The following PPFIBP1 variants were observed in gnomAD, a reference collection of about 807,000 sequenced individuals.
PPFIBP1 encodes PPFIB scaffold protein 1.
PPFIBP1 carries 112 observed loss-of-function variants against 137.8 expected under a neutral mutation model. That is an observed-to-expected ratio of 0.81 (90% CI 0.70 to 0.95). The LOEUF is 0.95. Ranked by LOEUF, PPFIBP1 falls within the 40% of genes least tolerant of loss-of-function variation. The probability of loss-of-function intolerance (pLI) is 0.00; values close to 1 mark genes in which losing one functional copy is unlikely to be tolerated. For synonymous variants in PPFIBP1, 378 were observed against 417.3 expected, an observed-to-expected ratio of 0.91 and a Z score of 1.15; for missense variants, 1,083 against 1,196.6, an observed-to-expected ratio of 0.91 and a Z score of 1.40.
At chr12:27,535,383 A>G (rs1373252972) in intron 1 of PPFIBP1, among the ~76,000 whole-genome samples, 1 of 151,790 alleles carries the variant, frequency 6.6e-6, no homozygotes, top group Non-Finnish European at 1.5e-5. Context: ...TTATTATACA[A>G]TGTTGTTTTT....
chr12:27,593,870 A>G, intron 2 of PPFIBP1: 1 of 1,452,032 alleles, frequency 6.9e-7, no homozygotes, highest in Non-Finnish European at 9.1e-7. Flanking sequence ...TGCCCCTTGG[A>G]TGGGAGGGAG....
At chr12:27,622,296 C>T (rs554930603) in intron 2 of PPFIBP1, among the ~76,000 whole-genome samples, 2 of 152,296 alleles carry the variant, frequency 1.3e-5, no homozygotes, top group South Asian at 4.1e-4. Flanking sequence ...CTCAAACCAT[C>T]TCTTGGGAAA....
chr12:27,573,255 T>C (rs145254490), intron 1 of PPFIBP1, among the ~76,000 whole-genome samples: 1 of 152,312 alleles, frequency 6.6e-6, no homozygotes, highest in Non-Finnish European at 1.5e-5. Context: ...CATTAATACA[T>C]GATTAAATAC....
At chr12:27,574,597 A>G (rs1039281484) in intron 1 of PPFIBP1, among the ~76,000 whole-genome samples, 4 of 152,214 alleles carry the variant, frequency 2.6e-5, no homozygotes, top group African/African-American at 9.6e-5. Flanking sequence ...TATTTTTGGT[A>G]TCTTAACCTA....
intron 2 of PPFIBP1, among the ~76,000 whole-genome samples, chr12:27,631,527 T>A (rs2057267555): frequency 6.6e-6 from 1 of 152,220 alleles, no homozygotes; most frequent in South Asian, 2.1e-4. Flanking sequence ...ATATAGAGAT[T>A]AAAAGTTAAC....
At chr12:27,646,684 T>A (rs1027624792) in intron 5 of PPFIBP1, among the ~76,000 whole-genome samples, 65 of 152,318 alleles carry the variant, frequency 4.3e-4, no homozygotes, top group East Asian at 7.7e-4. Context: ...TTTAAAAATG[T>A]TACCCTGTGT....
Position 27,681,627 on chromosome 12 carries a change from G to T in PPFIBP1, c.1977G>T (p.Leu659=). The change falls in exon 22 of 30, where the codon CTG becomes CTT. Residue 659 remains leucine, a synonymous_variant. Transcript: ENST00000228425. ...WLMEQGLGSY[L]NSGKHWIASG... ...TGGAACAGGGCTTGGGCTCGTACCT[G>T]AATTCTGGCAAGCACTGGATTGCAT... The T allele has an allele frequency of 6.2e-7, 1 of 1,614,182 alleles. No homozygotes were observed. Among genetic ancestry groups the T allele is most frequent in the Non-Finnish European group, 8.5e-7 (1 of 1,180,014 alleles).
intron 22 of PPFIBP1, among the ~76,000 whole-genome samples, chr12:27,681,909 G>C (rs758310825): frequency 1.3e-5 from 2 of 151,922 alleles, no homozygotes; most frequent in African/African-American, 2.4e-5. Context: ...TTAAGCCATT[G>C]GGCATTTTAA....
intron 2 of PPFIBP1, among the ~76,000 whole-genome samples, chr12:27,621,101 A>T (rs2056305839): frequency 6.6e-6 from 1 of 152,238 alleles, no homozygotes; most frequent in Non-Finnish European, 1.5e-5. Context: ...AGGAGGCTGT[A>T]GGATAAGGTA....
chr12:27,553,856 A>G (rs1947026131), intron 1 of PPFIBP1, among the ~76,000 whole-genome samples: 1 of 152,176 alleles, frequency 6.6e-6, no homozygotes, highest in Admixed American at 6.5e-5. Flanking sequence ...CCTCCTCTTT[A>G]TCTTCCAATT....
rs748657381 is a variant in PPFIBP1, at chr12:27,692,618, CAGAT to C, written c.2896_2899del (p.Ile966ValfsTer10). On this transcript the variant is annotated frameshift_variant, in exon 29 of 30. Transcript: ENST00000228425. LOFTEE classifies it high-confidence loss of function. Reference sequence around the variant, plus strand: ...GGAAGATTCAGAAGGGACAGTGAGACAGATAGGTGCATTCTCTGAAGGCATCAAC... The same window carrying C: ...GGAAGATTCAGAAGGGACAGTGAGACAGGTGCATTCTCTGAAGGCATCAAC... The C allele has an allele frequency of 6.2e-7, 1 of 1,613,964 alleles. No individual in the cohort carries two copies. Among genetic ancestry groups the C allele is most frequent in the South Asian group, 1.1e-5 (1 of 91,072 alleles).
intron 14 of PPFIBP1, 85 bp downstream of exon 14, chr12:27,671,631 C>T: frequency 2.4e-6 from 2 of 843,978 alleles, no homozygotes; most frequent in East Asian, 2.8e-5. Context: ...TATTTACAGA[C>T]ACAATTTTTA....
intron 2 of PPFIBP1, chr12:27,592,325 T>C: frequency 1.8e-6 from 1 of 566,432 alleles, no homozygotes; most frequent in South Asian, 3.3e-5. Context: ...CAAGATGGTG[T>C]GCTGGAAGAG....
At chr12:27,613,623 A>C (rs1293168834) in intron 2 of PPFIBP1, among the ~76,000 whole-genome samples, 1 of 151,814 alleles carries the variant, frequency 6.6e-6, no homozygotes, top group Non-Finnish European at 1.5e-5. Context: ...GAATCGCTCG[A>C]ACCTGGGAGG....
At chr12:27,593,721 C>A in intron 2 of PPFIBP1, 1 of 626,340 alleles carries the variant, frequency 1.6e-6, no homozygotes, top group East Asian at 2.9e-5. Context: ...ATTTAGAAGC[C>A]TATTAGCTAT....
intron 2 of PPFIBP1, among the ~76,000 whole-genome samples, chr12:27,610,518 A>G (rs190398374): frequency 6.6e-6 from 1 of 152,322 alleles, no homozygotes; most frequent in East Asian, 1.9e-4. Context: ...GAGAGGCACA[A>G]CATTTTTTCA....
intron 2 of PPFIBP1, among the ~76,000 whole-genome samples, chr12:27,602,717 G>A (rs751867370): frequency 6.6e-5 from 10 of 152,174 alleles, no homozygotes; most frequent in African/African-American, 2.2e-4. Context: ...CTGTTTACAT[G>A]AGCTTTTGAT....
intron 9 of PPFIBP1, among the ~76,000 whole-genome samples, chr12:27,657,753 A>T (rs1301856786): frequency 6.6e-6 from 1 of 151,956 alleles, no homozygotes; most frequent in Non-Finnish European, 1.5e-5. Context: ...GCATATATAT[A>T]ATTGTGTATT....
chr12:27,646,433 G>A (rs4930869), intron 5 of PPFIBP1: 242,701 of 389,236 alleles, frequency 0.62, 77,642 homozygotes, highest in African/African-American at 0.79. Flanking sequence ...TTTTGGAGGC[G>A]GGGTCTTGTT....
Sources: gnomAD v4.1 joint callset for allele counts (sites outside exome capture counted in the v4.1 genomes callset) on GRCh38, gnomAD v4.1.1 for gene constraint, MANE v1.5 for transcripts, NCBI Gene and HGNC (gene_info 2026-07-23, HGNC 2026-07-21) for gene names.